PARD3B: variants seen among roughly 807,000 people sequenced by gnomAD.
PARD3B encodes the protein partitioning defective 3 homolog B.
In PARD3B, 103 loss-of-function variants were observed where a neutral mutation model predicts 130.2. That is an observed-to-expected ratio of 0.79 (90% CI 0.67 to 0.93). The LOEUF (loss-of-function observed/expected upper bound fraction) is 0.93. Among genes scored for constraint, PARD3B ranks in the 40% least tolerant of loss-of-function variants. PARD3B has a pLI of 0.00. For synonymous variants in PARD3B, 583 were observed against 553.2 expected, an observed-to-expected ratio of 1.05 and a Z score of -0.76; for missense variants, 1,609 against 1,499.2, an observed-to-expected ratio of 1.07 and a Z score of -1.21.
At chr2:205,380,148 A>ATATTATATAAAGAATATG (rs2045263843) in intron 18 of PARD3B, among the ~76,000 whole-genome samples, 3 of 118,224 alleles carry the variant, frequency 2.5e-5, no homozygotes, top group Non-Finnish European at 5.1e-5. Flanking sequence ...TAAAGAATAT[A>ATATTATATAAAGAATATG]TATTATATAA....
intron 13 of PARD3B, among the ~76,000 whole-genome samples, chr2:205,178,229 GA>G (rs1553632799): frequency 0.029 from 3,966 of 136,932 alleles, 93 homozygotes; most frequent in African/African-American, 0.064. Context: ...TATGGGGGGG[GA>G]AAAAAAAAAG....
chr2:205,505,317 C>T (rs960455702), intron 21 of PARD3B, among the ~76,000 whole-genome samples: 16 of 151,880 alleles, frequency 1.1e-4, no homozygotes, highest in South Asian at 6.2e-4. Context: ...GTGCAGCACA[C>T]GAACATGGCA....
intron 1 of PARD3B, among the ~76,000 whole-genome samples, chr2:204,613,677 A>G (rs1211887689): frequency 1.3e-5 from 2 of 151,570 alleles, no homozygotes; most frequent in African/African-American, 4.8e-5. Context: ...TTGACTTTAA[A>G]TTTTGCCATC....
chr2:205,257,228 C>T (rs926888789), intron 16 of PARD3B, among the ~76,000 whole-genome samples: 1 of 151,910 alleles, frequency 6.6e-6, no homozygotes, highest in Non-Finnish European at 1.5e-5. Context: ...AATTAGAAAC[C>T]GCATACCCCT....
At chr2:204,814,406 TA>T (rs1454113385) in intron 2 of PARD3B, among the ~76,000 whole-genome samples, 1 of 151,774 alleles carries the variant, frequency 6.6e-6, no homozygotes, top group African/African-American at 2.4e-5. Flanking sequence ...AAAACTCTTA[TA>T]ATCTATAACA....
chr2:205,448,082 A>G (rs1356903057), intron 20 of PARD3B, among the ~76,000 whole-genome samples: 2 of 152,190 alleles, frequency 1.3e-5, no homozygotes, highest in Admixed American at 1.3e-4. Flanking sequence ...ACAGCAAATG[A>G]CCTTGAGAAG....
intron 18 of PARD3B, among the ~76,000 whole-genome samples, chr2:205,388,476 A>G (rs1272241857): frequency 6.6e-6 from 1 of 152,214 alleles, no homozygotes; most frequent in Non-Finnish European, 1.5e-5. Flanking sequence ...AATCATCACT[A>G]TGCGCTAAGC....
chr2:204,961,814 G>A (rs1690774113), intron 2 of PARD3B, among the ~76,000 whole-genome samples: 1 of 152,138 alleles, frequency 6.6e-6, no homozygotes, highest in African/African-American at 2.4e-5. Flanking sequence ...AGCCAGAGAA[G>A]CACCTTTGGA....
intron 3 of PARD3B, among the ~76,000 whole-genome samples, chr2:205,002,688 A>G (rs1694942533): frequency 1.3e-5 from 2 of 151,986 alleles, no homozygotes; most frequent in Non-Finnish European, 2.9e-5. Context: ...CTTAACTTGC[A>G]ACAAGAGTCC....
In PARD3B at chr2:205,491,221, A is replaced by T. The variant is rs182974233; in HGVS notation, c.3045-8675A>T. Among the ~76,000 whole-genome samples the T allele has an allele frequency of 3.3e-3, 497 of 152,242 alleles. 5 individuals are homozygous for T. Among genetic ancestry groups the T allele is most frequent in the Admixed American group, 6.3e-3 (96 of 15,272 alleles). On this transcript the variant is annotated intron_variant, in intron 20 of 22. Coordinates refer to ENST00000406610, the MANE Select transcript of PARD3B (RefSeq NM_001302769.2). ...AATGGTATTGCCTAGGTTTTCTTCTAGGGTTTCTATGGTTTTAAGTCTTAA... is the reference window on the plus strand; with the variant it reads ...AATGGTATTGCCTAGGTTTTCTTCTTGGGTTTCTATGGTTTTAAGTCTTAA...
At chr2:204,883,969 C>A (rs1329591804) in intron 2 of PARD3B, among the ~76,000 whole-genome samples, 3 of 151,694 alleles carry the variant, frequency 2.0e-5, no homozygotes, top group South Asian at 4.2e-4. Context: ...GAACTCCTGA[C>A]CTGGTGATCC....
chr2:204,823,001 G>C (rs1559173293), intron 2 of PARD3B, among the ~76,000 whole-genome samples: 1 of 152,002 alleles, frequency 6.6e-6, no homozygotes. Context: ...GAAAGTTTGG[G>C]GGACACTTCA....
At chr2:204,551,119 G>A (rs2030425193) in intron 1 of PARD3B, among the ~76,000 whole-genome samples, 2 of 152,170 alleles carry the variant, frequency 1.3e-5, no homozygotes, top group African/African-American at 4.8e-5. Flanking sequence ...GCATTGAGCA[G>A]CTTCTAAGTT....
rs540493901 is a variant in PARD3B at position 204,893,923 on chromosome 2, G to A, written c.223-71229G>A. Among the ~76,000 whole-genome samples, 7 of 152,170 alleles carry A rather than the reference G, an allele frequency of 4.6e-5. No homozygotes were observed. The East Asian group carries it at 1.4e-3, about 29-fold the overall frequency. On this transcript the variant is annotated intron_variant, in intron 2 of 22. Transcript: ENST00000406610. Reference sequence around the variant, plus strand: ...ATATTCATAAAAGTTTATGCAAAATGAATGAGAAATTAATTAAGGCTCTGT... The same window carrying A: ...ATATTCATAAAAGTTTATGCAAAATAAATGAGAAATTAATTAAGGCTCTGT...
Position 205,230,175 on chromosome 2 carries a change from G to A in PARD3B, c.2141-15603G>A, listed in dbSNP as rs2038762085. ...GCTGGTACCTAAGGTGCAAGACCAA[G>A]TCCCTCTCCTTTTCTCAAGCAGGAG... On this transcript the variant is annotated intron_variant, in intron 15 of 22. Coordinates refer to ENST00000406610, the MANE Select transcript of PARD3B (RefSeq NM_001302769.2). This position sits in a 1 kb window ranked among gnomAD's most constrained non-coding sequence, Gnocchi z 4.1. 6.6e-6 allele frequency among the ~76,000 whole-genome samples: 1 copy of A among 151,928 alleles called. No individual in the cohort carries two copies. Among genetic ancestry groups the A allele is most frequent in the African/African-American group, 2.4e-5 (1 of 41,358 alleles).
chr2:205,337,551 G>A (rs900626893), intron 18 of PARD3B, among the ~76,000 whole-genome samples: 5 of 152,098 alleles, frequency 3.3e-5, no homozygotes. Context: ...TGACTTTTTG[G>A]TTGTTACAGA....
intron 6 of PARD3B, among the ~76,000 whole-genome samples, chr2:205,114,501 G>T (rs975541483): frequency 1.1e-4 from 16 of 152,002 alleles, no homozygotes; most frequent in Non-Finnish European, 2.2e-4. Flanking sequence ...TTTAGTTTAG[G>T]ATATCAAAGA....
intron 20 of PARD3B, among the ~76,000 whole-genome samples, chr2:205,462,068 G>A (rs1293541121): frequency 6.6e-6 from 1 of 152,152 alleles, no homozygotes; most frequent in African/African-American, 2.4e-5. Context: ...ATATTTGAAG[G>A]AATCACATAA....
Position 205,564,576 on chromosome 2 carries a change from C to A in PARD3B, c.3260+11173C>A, listed in dbSNP as rs910939236. 1.3e-5 allele frequency among the ~76,000 whole-genome samples: 2 copies of A among 152,302 alleles called. No individual in the cohort carries two copies. Among genetic ancestry groups the A allele is most frequent in the South Asian group, 2.1e-4 (1 of 4,820 alleles). On this transcript the variant is annotated intron_variant, in intron 22 of 22. Transcript: ENST00000406610. The surrounding 1 kb of genome is among the most constrained non-coding windows in gnomAD (Gnocchi z 4.6). ...CTTTCACAGTGTAGTTCTGGCACAT[C>A]CTTAGGGGACATGGCTGAGACGCAA... is the stretch of plus-strand genomic sequence containing the variant.
Sources: allele counts gnomAD v4.1 joint callset (sites outside exome capture counted in the v4.1 genomes callset), GRCh38; gene constraint gnomAD v4.1.1; non-coding constraint Gnocchi (gnomAD v3.1); transcripts MANE v1.5; gene names NCBI Gene and HGNC (gene_info 2026-07-23, HGNC 2026-07-21).